Variants in HNF1B observed in about 807,000 individuals in gnomAD.
HNF1B encodes the protein hepatocyte nuclear factor 1-beta.
In HNF1B, 8 loss-of-function variants were observed where a neutral mutation model predicts 61.7. The observed-to-expected ratio is 0.13, with a 90% CI of 0.08 to 0.23. The LOEUF (loss-of-function observed/expected upper bound fraction) is 0.23, where lower values mean the gene tolerates loss of function less well. HNF1B is among the 10% of genes least tolerant of loss of function. The probability of loss-of-function intolerance (pLI) is 1.00; values close to 1 mark genes in which losing one functional copy is unlikely to be tolerated. For synonymous variants in HNF1B, 314 were observed against 287.7 expected (o/e 1.09, Z -0.93); for missense variants, 562 against 714.5 (o/e 0.79, Z 2.43).
chr17:37,733,887 CA>C, intron 2 of HNF1B, 66 bp from the exon 3 acceptor site: 1 of 1,576,132 alleles, frequency 6.3e-7, no homozygotes, highest in Non-Finnish European at 8.7e-7. Flanking sequence ...GACAGACAGA[CA>C]GACAGACAAC....
chr17:37,695,805 CATTGT>C (rs1267849645), intron 8 of HNF1B, among the ~76,000 whole-genome samples: 1 of 152,148 alleles, frequency 6.6e-6, no homozygotes, highest in Admixed American at 6.5e-5. Context: ...CCTGTACCAC[CATTGT>C]ATTTTGGAAG....
intron 4 of HNF1B, among the ~76,000 whole-genome samples, chr17:37,716,398 C>T (rs1367434428): frequency 2.0e-5 from 3 of 152,002 alleles, no homozygotes; most frequent in Non-Finnish European, 4.4e-5. Flanking sequence ...AGAGTTTCAC[C>T]GTGTTGGCCA....
chr17:37,743,638 G>A (rs767249077), intron 1 of HNF1B, among the ~76,000 whole-genome samples: 3 of 152,218 alleles, frequency 2.0e-5, no homozygotes, highest in Admixed American at 6.5e-5. Flanking sequence ...CGGGAGCGAC[G>A]TGCTGTCTCA....
chr17:37,740,966 A>G (rs2033975001), intron 1 of HNF1B, among the ~76,000 whole-genome samples: 1 of 152,242 alleles, frequency 6.6e-6, no homozygotes, highest in Non-Finnish European at 1.5e-5. Context: ...GCAGCACAGA[A>G]CAAAAGTACT....
chr17:37,704,905 A>G lies in HNF1B; in HGVS notation c.1339+12T>C, dbSNP rs1375568430. The G allele has an allele frequency of 1.9e-6, 3 of 1,614,140 alleles. No individual in the cohort carries two copies. The African/African-American group carries it at 4.0e-5, about 22-fold the overall frequency. ...CCTGCCCCCAAGTTTTCCAACCAAGAATAGAACTTACTTTGTGCAATTGCC... is the reference window on the plus strand; with the variant it reads ...CCTGCCCCCAAGTTTTCCAACCAAGGATAGAACTTACTTTGTGCAATTGCC... On this transcript the variant is annotated intron_variant, in intron 6 of 8. Coordinates refer to ENST00000617811, the MANE Select transcript of HNF1B (RefSeq NM_000458.4).
At chr17:37,728,883 G>A (rs1568661620) in intron 4 of HNF1B, 1 of 153,842 alleles carries the variant, frequency 6.5e-6, no homozygotes, top group East Asian at 1.9e-4. Context: ...AGCCACCTCT[G>A]TTTCTAGTTC....
chr17:37,693,923 A>G (rs1211884396), intron 8 of HNF1B, among the ~76,000 whole-genome samples: 1 of 152,158 alleles, frequency 6.6e-6, no homozygotes, highest in Non-Finnish European at 1.5e-5. Context: ...ATCTCACCAT[A>G]TGACATGCCT....
chr17:37,734,814 GT>G (rs2033787495), intron 2 of HNF1B, among the ~76,000 whole-genome samples: 4 of 147,204 alleles, frequency 2.7e-5, no homozygotes, highest in African/African-American at 1.0e-4. Context: ...TTGAGACAGA[GT>G]TTGCCTCTTG....
intron 4 of HNF1B, among the ~76,000 whole-genome samples, chr17:37,712,017 A>G (rs981398744): frequency 6.6e-6 from 1 of 152,196 alleles, no homozygotes; most frequent in African/African-American, 2.4e-5. Context: ...GATGAGCCCC[A>G]AGCCAGTTTT....
intron 4 of HNF1B, chr17:37,728,534 C>A (rs1467196323): frequency 6.6e-6 from 1 of 151,688 alleles, no homozygotes; most frequent in Admixed American, 6.6e-5. Flanking sequence ...CCTCGATCTC[C>A]TGACTTCGTG....
At chr17:37,717,432 G>A (rs1276844919) in intron 4 of HNF1B, among the ~76,000 whole-genome samples, 3 of 152,198 alleles carry the variant, frequency 2.0e-5, no homozygotes, top group Admixed American at 2.0e-4. Flanking sequence ...TCTAGAAACT[G>A]GGAATTTAAA....
intron 5 of HNF1B, among the ~76,000 whole-genome samples, chr17:37,706,936 T>C (rs2032770381): frequency 6.6e-6 from 1 of 152,188 alleles, no homozygotes; most frequent in Admixed American, 6.5e-5. Flanking sequence ...TCAGTCCCTG[T>C]ATTACAGATT....
intron 4 of HNF1B, among the ~76,000 whole-genome samples, chr17:37,717,252 C>G (rs556135400): frequency 1.3e-5 from 2 of 152,234 alleles, no homozygotes; most frequent in South Asian, 4.2e-4. Flanking sequence ...AGCCAACCTC[C>G]CATCCCTGAT....
chr17:37,719,047 C>T (rs1309707194), intron 4 of HNF1B, among the ~76,000 whole-genome samples: 1 of 152,020 alleles, frequency 6.6e-6, no homozygotes, highest in Non-Finnish European at 1.5e-5. Context: ...AAGGAATCCT[C>T]CCACCTCAGC....
chr17:37,737,651 C>T (rs2033869917), intron 2 of HNF1B, among the ~76,000 whole-genome samples: 1 of 149,204 alleles, frequency 6.7e-6, no homozygotes, highest in Admixed American at 6.7e-5. Context: ...ATAGTGAAAC[C>T]CCGTCTCTAC....
intron 1 of HNF1B, 105 bp from the exon 2 acceptor site, chr17:37,739,744 T>TC (rs1289004870): frequency 2.0e-5 from 22 of 1,091,694 alleles, no homozygotes; most frequent in African/African-American, 3.1e-5. Context: ...TTCTGAATTT[T>TC]CCCCCCATCT....
intron 2 of HNF1B, among the ~76,000 whole-genome samples, chr17:37,735,433 G>A (rs955585604): frequency 5.3e-5 from 8 of 152,316 alleles, no homozygotes; most frequent in Non-Finnish European, 1.0e-4. Flanking sequence ...GGTGGTGTTG[G>A]GCTTTGTTTA....
At chr17:37,696,073 G>A in intron 8 of HNF1B, among the ~76,000 whole-genome samples, 1 of 152,152 alleles carries the variant, frequency 6.6e-6, no homozygotes, top group Non-Finnish European at 1.5e-5. Flanking sequence ...TGGAGGTGGG[G>A]CTCAGTGGGA....
intron 4 of HNF1B, chr17:37,720,707 G>T: frequency 2.5e-6 from 2 of 802,788 alleles, no homozygotes; most frequent in East Asian, 1.3e-4. Flanking sequence ...AGGGCTATGG[G>T]CTGGAGACAC....
Sources: gnomAD v4.1 joint callset for allele counts (sites outside exome capture counted in the v4.1 genomes callset) on GRCh38, gnomAD v4.1.1 for gene constraint, MANE v1.5 for transcripts, NCBI Gene and HGNC (gene_info 2026-07-23, HGNC 2026-07-21) for gene names.